The following NLGN4X variants were observed in gnomAD, a reference collection of about 807,000 sequenced individuals.
NLGN4X encodes the protein neuroligin 4 X-linked, also known as neuroligin-4, X-linked.
In NLGN4X, 3 loss-of-function variants were observed where a neutral mutation model predicts 40.3. The ratio of observed to expected loss-of-function variants is 0.07; its 90% confidence interval spans 0.03 to 0.19. NLGN4X has a LOEUF of 0.19. Ranked by LOEUF, NLGN4X falls within the 10% of genes least tolerant of loss-of-function variation. The probability of loss-of-function intolerance (pLI) is 1.00; values close to 1 mark genes in which losing one functional copy is unlikely to be tolerated. For synonymous variants in NLGN4X, 270 were observed against 306.8 expected, an observed-to-expected ratio of 0.88 and a Z score of 1.25; for missense variants, 382 against 708.3, an observed-to-expected ratio of 0.54 and a Z score of 5.23.
intron 2 of NLGN4X, among the ~76,000 whole-genome samples, chrX:6,096,111 TTA>T (rs2038770590): frequency 9.0e-6 from 1 of 111,576 alleles, no homozygotes. Flanking sequence ...TATGAAGAAG[TTA>T]TGTTTCAGAG....
At chrX:5,972,000 G>T (rs1008186772) in intron 3 of NLGN4X, among the ~76,000 whole-genome samples, 2 of 111,753 alleles carry the variant, frequency 1.8e-5, no homozygotes, top group Non-Finnish European at 3.8e-5. Flanking sequence ...TTTGTGCTGC[G>T]AGAGCAACTT....
chrX:5,904,171 C>T (rs1405792135), intron 4 of NLGN4X, among the ~76,000 whole-genome samples: 1 of 111,327 alleles, frequency 9.0e-6, no homozygotes, highest in African/African-American at 3.3e-5. Context: ...TTTCCTTCCA[C>T]AATTTAGTGT....
At chrX:6,054,657 G>T (rs1433270311) in intron 2 of NLGN4X, among the ~76,000 whole-genome samples, 1 of 110,593 alleles carries the variant, frequency 9.0e-6, no homozygotes, top group Non-Finnish European at 1.9e-5. Context: ...AGTCAAAGGG[G>T]AATTAATTTT....
At chrX:6,120,050 G>A (rs1252323486) in intron 2 of NLGN4X, among the ~76,000 whole-genome samples, 1 of 111,434 alleles carries the variant, frequency 9.0e-6, no homozygotes, top group Non-Finnish European at 1.9e-5. Flanking sequence ...AGGTGTGGTG[G>A]AGTGTGCCTG....
intron 2 of NLGN4X, among the ~76,000 whole-genome samples, chrX:6,060,433 C>T (rs953924885): frequency 4.5e-5 from 5 of 111,421 alleles, no homozygotes; most frequent in African/African-American, 9.8e-5. Flanking sequence ...AGCATGCATC[C>T]GCCTCACCTT....
intron 2 of NLGN4X, among the ~76,000 whole-genome samples, chrX:6,100,583 C>T (rs759332818): frequency 1.4e-3 from 161 of 111,376 alleles, no homozygotes; most frequent in African/African-American, 5.1e-3. Flanking sequence ...TTATCTCTAC[C>T]CAGAAGTAGT....
At chrX:5,947,689 A>T (rs1027639855) in intron 3 of NLGN4X, among the ~76,000 whole-genome samples, 1 of 112,093 alleles carries the variant, frequency 8.9e-6, no homozygotes, top group African/African-American at 3.2e-5. Flanking sequence ...AGGAAATAAG[A>T]TATATTACGT....
chrX:5,999,014 C>T (rs1183152469), intron 3 of NLGN4X, among the ~76,000 whole-genome samples: 1 of 111,734 alleles, frequency 8.9e-6, no homozygotes, highest in African/African-American at 3.3e-5. Context: ...CTGCACCTCT[C>T]TGCTTTGTAC....
At chrX:6,139,953 T>C (rs777392389) in intron 2 of NLGN4X, among the ~76,000 whole-genome samples, 1 of 111,629 alleles carries the variant, frequency 9.0e-6, no homozygotes, top group Non-Finnish European at 1.9e-5. Flanking sequence ...AGGAGATCAA[T>C]AGTGTCATTG....
intron 2 of NLGN4X, among the ~76,000 whole-genome samples, chrX:6,060,319 T>C (rs1369028135): frequency 1.8e-5 from 2 of 111,702 alleles, no homozygotes; most frequent in Admixed American, 1.9e-4. Flanking sequence ...TGTGGAGTCA[T>C]AGCAGATCCA....
chrX:6,156,937 C>T (rs1457313051), intron 1 of NLGN4X, among the ~76,000 whole-genome samples: 1 of 109,831 alleles, frequency 9.1e-6, no homozygotes, highest in Non-Finnish European at 1.9e-5. Flanking sequence ...GGTATACACA[C>T]AAAAAAAATT....
At position 5,892,493 on chromosome X, in the gene NLGN4X, C is replaced by T. The variant is rs1047032310; in HGVS notation, c.*324G>A. 1 of 265,535 alleles carries T rather than the reference C, an allele frequency of 3.8e-6. No individual in the cohort carries two copies. The highest frequency in any genetic ancestry group is 2.8e-5 in the African/African-American group (1 of 36,040). 21.9% of individuals were successfully genotyped at this position (265,535 alleles called of 1,213,427 possible). A position where few individuals can be genotyped will look rare whatever the true frequency, so the allele number is the denominator to read the frequency against. Reference sequence around the variant, plus strand: ...GCTGCTTCCATGACGTTGGAAACACCCGGGGCCTTGAAATGGTGATGTCCT... The same window carrying T: ...GCTGCTTCCATGACGTTGGAAACACTCGGGGCCTTGAAATGGTGATGTCCT... On this transcript the variant is annotated 3_prime_UTR_variant, in exon 6 of 6. Transcript: ENST00000381095.
intron 1 of NLGN4X, among the ~76,000 whole-genome samples, chrX:6,155,518 A>G (rs1487570409): frequency 9.0e-6 from 1 of 111,701 alleles, no homozygotes; most frequent in South Asian, 3.8e-4. Context: ...CTGAAGCCCA[A>G]AGCTCTATGC....
intron 5 of NLGN4X, among the ~76,000 whole-genome samples, chrX:5,900,577 TTTTTTTTTTTTTA>T (rs1384557352): frequency 7.3e-4 from 52 of 71,027 alleles, no homozygotes; most frequent in African/African-American, 2.0e-3. Flanking sequence ...TTTTTTTTTT[TTTTTTTTTTTTTA>T]AAGATAAAGG....
chrX:6,190,457 A>G (rs1483563819), intron 1 of NLGN4X, among the ~76,000 whole-genome samples: 1 of 112,312 alleles, frequency 8.9e-6, no homozygotes, highest in Non-Finnish European at 1.9e-5. Context: ...AATTGTAAAG[A>G]CTTCAGATTT....
chrX:6,053,752 C>T lies in NLGN4X; in HGVS notation c.473-24320G>A, dbSNP rs770409528. Among the ~76,000 whole-genome samples, 3 of 112,051 alleles carry T rather than the reference C, an allele frequency of 2.7e-5. No homozygotes were observed. In the East Asian group the frequency reaches 8.4e-4, roughly 32 times the overall value. ...GAATCTTTCAGTGCCTGGCACCATG[C>T]TTTACTGAGAAAGCTTTCAAAATTT... On this transcript the variant is annotated intron_variant, in intron 2 of 5. Coordinates refer to ENST00000381095, the MANE Select transcript of NLGN4X (RefSeq NM_181332.3).
intron 2 of NLGN4X, among the ~76,000 whole-genome samples, chrX:6,034,859 C>T (rs1261856156): frequency 9.1e-6 from 1 of 110,457 alleles, no homozygotes; most frequent in Non-Finnish European, 1.9e-5. Flanking sequence ...CAGGCATGCA[C>T]CACTATTCCT....
chrX:6,201,396 C>T (rs190735251), intron 1 of NLGN4X, among the ~76,000 whole-genome samples: 13 of 111,328 alleles, frequency 1.2e-4, no homozygotes, highest in South Asian at 3.8e-4. Flanking sequence ...GCAGTTGTAA[C>T]GGCGGAGATG....
intron 2 of NLGN4X, among the ~76,000 whole-genome samples, chrX:6,063,431 G>A (rs12840457): frequency 0.16 from 17,351 of 111,607 alleles, 1,263 homozygotes; most frequent in Admixed American, 0.24. Flanking sequence ...AGTACGGTGA[G>A]CTATGATTAA....
Sources: allele counts gnomAD v4.1 joint callset (sites outside exome capture counted in the v4.1 genomes callset), GRCh38; gene constraint gnomAD v4.1.1; transcripts MANE v1.5; gene names NCBI Gene and HGNC (gene_info 2026-07-23, HGNC 2026-07-21).